Variants in NEK1 observed in about 807,000 individuals in gnomAD.
NEK1 encodes the protein serine/threonine-protein kinase Nek1.
In NEK1, 137 loss-of-function variants were observed where a neutral mutation model predicts 182.1. That is an observed-to-expected ratio of 0.75 (90% CI 0.65 to 0.87). The LOEUF is 0.87. NEK1 is among the 40% of genes least tolerant of loss of function. NEK1 has a pLI of 0.00. For missense variants in NEK1, 1,391 were observed against 1,494.4 expected (o/e 0.93, Z 1.14); for synonymous variants, 513 against 492.2 (o/e 1.04, Z -0.56).
intron 4 of NEK1, among the ~76,000 whole-genome samples, chr4:169,600,785 C>T (rs1427739542): frequency 6.6e-6 from 1 of 152,124 alleles, no homozygotes; most frequent in Non-Finnish European, 1.5e-5. Flanking sequence ...ATTACATATA[C>T]TATGCTATCA....
chr4:169,399,445 C>T lies in NEK1; in HGVS notation c.3847+780G>A, dbSNP rs183157624. Reference sequence around the variant, plus strand: ...TACAAAAAGTAGTCAGGTGTGGTGGCGCACGCCTATAATCCCAGCTATTTG... The same window carrying T: ...TACAAAAAGTAGTCAGGTGTGGTGGTGCACGCCTATAATCCCAGCTATTTG... On this transcript the variant is annotated intron_variant, in intron 35 of 35. Transcript: ENST00000507142. Among the ~76,000 whole-genome samples, 426 of 151,266 alleles carry T rather than the reference C, an allele frequency of 2.8e-3. 4 individuals are homozygous for T. The highest frequency in any genetic ancestry group is 1.0e-2 in the African/African-American group (410 of 41,184).
chr4:169,462,243 C>A (rs1447401653), intron 27 of NEK1, among the ~76,000 whole-genome samples: 1 of 151,834 alleles, frequency 6.6e-6, no homozygotes, highest in Non-Finnish European at 1.5e-5. Flanking sequence ...AGCCTGAAGG[C>A]ATTTTTGTCT....
rs10022479 is a variant in NEK1, at chr4:169,562,002, T to A, written c.1081-111A>T. The stretch of plus-strand genomic sequence containing the variant: ...GGTATGTTCAATGAGGTTTTTTTTT[T>A]AAAAAAAAAAAGAAGTTATAGGTAT... On this transcript the variant is annotated intron_variant, in intron 13 of 35. Coordinates refer to ENST00000507142, the MANE Select transcript of NEK1 (RefSeq NM_001199397.3). The A allele has an allele frequency of 0.66, 559,749 of 841,814 alleles. 152,341 individuals are homozygous for A. Among genetic ancestry groups the A allele is most frequent in the Admixed American group, 0.72 (20,751 of 28,828 alleles). The allele number at this position is 841,814 out of a possible 1,614,324, so 52.1% of individuals were successfully genotyped here.
At chr4:169,413,171 AT>A (rs5863996) in intron 31 of NEK1, among the ~76,000 whole-genome samples, 115,898 of 144,546 alleles carry the variant, frequency 0.8, 47,376 homozygotes, top group Middle Eastern at 0.89. Flanking sequence ...AGTACAGCTA[AT>A]TTTTTTTTTT....
intron 11 of NEK1, among the ~76,000 whole-genome samples, chr4:169,579,779 C>G (rs144468345): frequency 6.7e-6 from 1 of 149,394 alleles, no homozygotes; most frequent in Non-Finnish European, 1.5e-5. Context: ...CAGAGCAAGA[C>G]TCCATCTCAA....
chr4:169,465,155 G>A (rs768022791), intron 26 of NEK1, among the ~76,000 whole-genome samples: 3 of 152,168 alleles, frequency 2.0e-5, no homozygotes, highest in East Asian at 3.9e-4. Context: ...TTACCAAGAG[G>A]AATTTCTTAA....
At chr4:169,482,914 C>T (rs538475100) in intron 23 of NEK1, among the ~76,000 whole-genome samples, 23 of 152,106 alleles carry the variant, frequency 1.5e-4, no homozygotes, top group Non-Finnish European at 2.6e-4. Flanking sequence ...GGATTACAGG[C>T]GTGAGCCACT....
intron 18 of NEK1, among the ~76,000 whole-genome samples, chr4:169,542,485 A>G (rs1355885475): frequency 6.6e-6 from 1 of 152,248 alleles, no homozygotes; most frequent in African/African-American, 2.4e-5. Context: ...TCTTTATAGC[A>G]GAATGATTTA....
At chr4:169,445,926 A>C (rs1740465784) in intron 27 of NEK1, among the ~76,000 whole-genome samples, 1 of 151,588 alleles carries the variant, frequency 6.6e-6, no homozygotes, top group Non-Finnish European at 1.5e-5. Context: ...AAAAGAATGA[A>C]ATCTTATTTT....
chr4:169,586,443 T>C (rs1339535317), intron 9 of NEK1, among the ~76,000 whole-genome samples: 1 of 152,050 alleles, frequency 6.6e-6, no homozygotes, highest in Non-Finnish European at 1.5e-5. Context: ...CAATGCACTT[T>C]CGTTTATCTC....
At chr4:169,477,390 C>A in intron 25 of NEK1, 38 bp from the exon 26 acceptor site, 1 of 1,560,354 alleles carries the variant, frequency 6.4e-7, no homozygotes, top group South Asian at 1.2e-5. Context: ...ATATGTATAT[C>A]ATTAAGTAAA....
chr4:169,437,990 C>A, intron 28 of NEK1, 93 bp downstream of exon 28: 1 of 949,936 alleles, frequency 1.1e-6, no homozygotes. Context: ...ATTACCCAAA[C>A]ATATACAAAT....
chr4:169,407,522 A>G (rs1732859253), intron 31 of NEK1, among the ~76,000 whole-genome samples: 1 of 152,230 alleles, frequency 6.6e-6, no homozygotes, highest in African/African-American at 2.4e-5. Context: ...GAAGAAACTC[A>G]GCCAACTGAG....
At chr4:169,474,457 T>C (rs1746592517) in intron 26 of NEK1, among the ~76,000 whole-genome samples, 1 of 152,226 alleles carries the variant, frequency 6.6e-6, no homozygotes, top group Non-Finnish European at 1.5e-5. Flanking sequence ...TGCTTCGCAG[T>C]TCAGCTTCTT....
At chr4:169,589,964 TG>T (rs1362475442) in intron 6 of NEK1, among the ~76,000 whole-genome samples, 2 of 152,100 alleles carry the variant, frequency 1.3e-5, no homozygotes, top group African/African-American at 4.8e-5. Flanking sequence ...GAAAAGGGCT[TG>T]CATAACTCAA....
chr4:169,493,395 T>A (rs1750495349), intron 23 of NEK1, among the ~76,000 whole-genome samples: 1 of 152,208 alleles, frequency 6.6e-6, no homozygotes, highest in South Asian at 2.1e-4. Flanking sequence ...CAAGGTGCTT[T>A]GTCATCTCCA....
chr4:169,485,706 T>C (rs960173006), intron 23 of NEK1, among the ~76,000 whole-genome samples: 2 of 152,182 alleles, frequency 1.3e-5, no homozygotes, highest in African/African-American at 2.4e-5. Context: ...AAATCTATAA[T>C]ATATATTTCA....
At chr4:169,510,982 A>G (rs978385991) in intron 19 of NEK1, among the ~76,000 whole-genome samples, 1 of 152,138 alleles carries the variant, frequency 6.6e-6, no homozygotes, top group Non-Finnish European at 1.5e-5. Context: ...CACTCATTAG[A>G]GTGCATTATA....
chr4:169,507,894 T>A, intron 21 of NEK1, 102 bp from the exon 22 acceptor site: 2 of 898,956 alleles, frequency 2.2e-6, no homozygotes, highest in South Asian at 3.2e-5. Flanking sequence ...TCTAAAAATA[T>A]AAAATGGAAA....
Sources: gnomAD v4.1 joint callset for allele counts (sites outside exome capture counted in the v4.1 genomes callset) on GRCh38, gnomAD v4.1.1 for gene constraint, MANE v1.5 for transcripts, NCBI Gene and HGNC (gene_info 2026-07-23, HGNC 2026-07-21) for gene names.